PTBP2: variants seen among roughly 807,000 people sequenced by gnomAD.
PTBP2 encodes polypyrimidine tract-binding protein 2.
PTBP2 carries 13 observed loss-of-function variants against 61.4 expected under a neutral mutation model. The ratio of observed to expected loss-of-function variants is 0.21; its 90% confidence interval spans 0.14 to 0.34. The LOEUF (loss-of-function observed/expected upper bound fraction) is 0.34, where lower values mean the gene tolerates loss of function less well. Among genes scored for constraint, PTBP2 ranks in the 10% least tolerant of loss-of-function variants. PTBP2 has a pLI of 1.00. For synonymous variants in PTBP2, 215 were observed against 218.5 expected, an observed-to-expected ratio of 0.98 and a Z score of 0.14; for missense variants, 405 against 642.6, an observed-to-expected ratio of 0.63 and a Z score of 4.00.
At chr1:96,776,561 G>T (rs1227482137) in intron 5 of PTBP2, among the ~76,000 whole-genome samples, 1 of 151,708 alleles carries the variant, frequency 6.6e-6, no homozygotes, top group Non-Finnish European at 1.5e-5. Flanking sequence ...TAATTCTTTT[G>T]TATTCTCTTT....
At chr1:96,721,945 G>T in intron 1 of PTBP2, 73 bp downstream of exon 1, 1 of 1,543,856 alleles carries the variant, frequency 6.5e-7, no homozygotes, top group Non-Finnish European at 8.8e-7. Context: ...GTCCCGGGCC[G>T]GGGAGAAACC....
chr1:96,749,467 A>G (rs1167510674), intron 2 of PTBP2: 1 of 301,368 alleles, frequency 3.3e-6, no homozygotes, highest in Admixed American at 4.0e-5. Context: ...TTGATTAGGA[A>G]TTTTGTTCAG....
intron 3 of PTBP2, among the ~76,000 whole-genome samples, chr1:96,769,478 CATT>C (rs1471869272): frequency 6.6e-6 from 1 of 151,978 alleles, no homozygotes; most frequent in South Asian, 2.1e-4. Flanking sequence ...TGTTAAGAAA[CATT>C]AACAGCAATC....
rs1660464187 is a variant in PTBP2 at position 96,797,035 on chromosome 1, A to G, written c.905-7765A>G. Among the ~76,000 whole-genome samples the G allele has an allele frequency of 2.0e-5, 3 of 152,346 alleles. No homozygotes were observed. In the South Asian group the frequency reaches 6.2e-4, roughly 32 times the overall value. On this transcript the variant is annotated intron_variant, in intron 8 of 13. Transcript: ENST00000674951. ...TCTTGGAAAAGTCATAGGATGATGC[A>G]GGGAATGGAGAAGAGGGAAATAAAG...
chr1:96,758,133 GGAAAATAA>G (rs1655375451), intron 3 of PTBP2, among the ~76,000 whole-genome samples: 1 of 151,816 alleles, frequency 6.6e-6, no homozygotes, highest in South Asian at 2.1e-4. Context: ...GAATATAATA[GGAAAATAA>G]GTCAATATTA....
chr1:96,742,447 T>C (rs1653161821), intron 2 of PTBP2, among the ~76,000 whole-genome samples: 1 of 152,188 alleles, frequency 6.6e-6, no homozygotes, highest in Admixed American at 6.5e-5. Flanking sequence ...GAATTCTCTC[T>C]TTTATTACTA....
intron 2 of PTBP2, among the ~76,000 whole-genome samples, chr1:96,728,298 C>A (rs988245212): frequency 1.3e-5 from 2 of 152,154 alleles, no homozygotes; most frequent in Non-Finnish European, 2.9e-5. Flanking sequence ...CCTTTGTTTT[C>A]TAATAGAAGT....
chr1:96,821,183 T>C (rs1190693965), exon 14 of PTBP2: 1 of 152,162 alleles, frequency 6.6e-6, no homozygotes, highest in Non-Finnish European at 1.5e-5. Flanking sequence ...GAATATCTAG[T>C]GGTACAAAAA....
chr1:96,802,055 C>T (rs1373820679), intron 8 of PTBP2, among the ~76,000 whole-genome samples: 4 of 150,004 alleles, frequency 2.7e-5, no homozygotes, highest in Non-Finnish European at 5.9e-5. Flanking sequence ...ACTAAAAATA[C>T]AAAAAATTAG....
At chr1:96,766,160 A>T (rs1464275848) in intron 3 of PTBP2, among the ~76,000 whole-genome samples, 1 of 152,188 alleles carries the variant, frequency 6.6e-6, no homozygotes, top group Admixed American at 6.5e-5. Flanking sequence ...TTTGGAAGAG[A>T]AGTATTCAAG....
intron 8 of PTBP2, among the ~76,000 whole-genome samples, chr1:96,797,455 T>C (rs1349444507): frequency 6.6e-6 from 1 of 152,072 alleles, no homozygotes; most frequent in Non-Finnish European, 1.5e-5. Flanking sequence ...AGGAAGAGGA[T>C]TGAATTGTTT....
In PTBP2 at chr1:96,734,892, CCTTT is replaced by C. The variant is rs796252646; in HGVS notation, c.39+11299_39+11302del. Among the ~76,000 whole-genome samples, 18 of 145,462 alleles carry C rather than the reference CCTTT, an allele frequency of 1.2e-4. 1 individual carries two copies. In the South Asian group the frequency reaches 4.0e-3, roughly 32 times the overall value. On this transcript the variant is annotated intron_variant, in intron 2 of 13. Transcript: ENST00000674951. ...CATAGTCTGTGCTCAATAATTGTCT[CCTTT>C]TTTTTTCTTTTTTTTTTTTTTTTTT...
At chr1:96,737,874 G>C (rs1305752173) in intron 2 of PTBP2, among the ~76,000 whole-genome samples, 3 of 151,970 alleles carry the variant, frequency 2.0e-5, no homozygotes. Flanking sequence ...AACTACTGTT[G>C]TAGTAACGTT....
chr1:96,792,835 A>T (rs1194896123), intron 8 of PTBP2, among the ~76,000 whole-genome samples: 2 of 152,162 alleles, frequency 1.3e-5, no homozygotes, highest in Non-Finnish European at 2.9e-5. Context: ...TCTATATTTT[A>T]TTAAGACTAA....
intron 2 of PTBP2, among the ~76,000 whole-genome samples, chr1:96,740,995 T>C (rs1652935028): frequency 1.3e-5 from 2 of 152,174 alleles, no homozygotes; most frequent in Non-Finnish European, 2.9e-5. Context: ...GATTGAATAT[T>C]AACATATTGC....
intron 7 of PTBP2, among the ~76,000 whole-genome samples, chr1:96,782,225 A>G (rs898349511): frequency 6.6e-5 from 10 of 152,014 alleles, no homozygotes; most frequent in African/African-American, 2.4e-4. Context: ...AGTCCTGTTT[A>G]TATGATCATT....
chr1:96,729,301 C>T (rs1414678656), intron 2 of PTBP2, among the ~76,000 whole-genome samples: 5 of 152,144 alleles, frequency 3.3e-5, no homozygotes, highest in African/African-American at 7.2e-5. Context: ...AGATTACAGG[C>T]GTGAGCCACC....
At position 96,809,679 on chromosome 1, in the gene PTBP2, TTTA is replaced by T. The variant is rs975139694; in HGVS notation, c.1171+2736_1171+2738del. ...AAGCATGCACCACCTGCCCGGCTAA[TTTA>T]TTATTATTATTATTTTTTGTAGAGA... is the stretch of plus-strand genomic sequence containing the variant. On this transcript the variant is annotated intron_variant, in intron 11 of 13. Transcript: ENST00000674951. 3.9e-5 allele frequency among the ~76,000 whole-genome samples: 6 copies of T among 152,114 alleles called. No individual in the cohort carries two copies. In the South Asian group the frequency reaches 1.2e-3, roughly 32 times the overall value.
At chr1:96,763,547 C>T (rs543336565) in intron 3 of PTBP2, among the ~76,000 whole-genome samples, 1 of 139,588 alleles carries the variant, frequency 7.2e-6, no homozygotes. Context: ...AGCTTCGGCT[C>T]GTCATCAGAG....
Sources: gnomAD v4.1 joint callset for allele counts (sites outside exome capture counted in the v4.1 genomes callset) on GRCh38, gnomAD v4.1.1 for gene constraint, MANE v1.5 for transcripts, NCBI Gene and HGNC (gene_info 2026-07-23, HGNC 2026-07-21) for gene names.